Variants in ENOSF1 observed in about 807,000 individuals in gnomAD.
ENOSF1 encodes enolase superfamily member 1.
ENOSF1 carries 73 observed loss-of-function variants against 68.2 expected under a neutral mutation model. The observed-to-expected ratio is 1.07, with a 90% confidence interval of 0.89 to 1.30. The LOEUF (loss-of-function observed/expected upper bound fraction) is 1.30. Ranked by LOEUF, ENOSF1 falls within the 50% of genes most tolerant of loss-of-function variation. The probability of loss-of-function intolerance (pLI) is 0.00; values close to 1 mark genes in which losing one functional copy is unlikely to be tolerated. For synonymous variants in ENOSF1, 223 were observed against 210.4 expected (o/e 1.06, Z -0.52); for missense variants, 589 against 554.5 (o/e 1.06, Z -0.62).
downstream of ENOSF1, among the ~76,000 whole-genome samples, chr18:665,429 C>T (rs990629542): frequency 2.8e-4 from 43 of 151,034 alleles, no homozygotes; most frequent in African/African-American, 7.8e-4. Flanking sequence ...GTCTTGCTAG[C>T]GGTCTATAAA....
At chr18:683,192 T>C (rs2076256330) in intron 11 of ENOSF1, 54 bp downstream of exon 11, 7 of 1,607,564 alleles carry the variant, frequency 4.4e-6, no homozygotes, top group East Asian at 2.2e-5. Context: ...CCCAGCACTC[T>C]GGAAAACTAA....
intron 2 of ENOSF1, among the ~76,000 whole-genome samples, chr18:697,745 C>G (rs2077898233): frequency 6.6e-6 from 1 of 152,204 alleles, no homozygotes; most frequent in Non-Finnish European, 1.5e-5. Flanking sequence ...GAGTGAGACT[C>G]TATCTCAAAG....
chr18:680,662 C>G (rs1329338142), intron 11 of ENOSF1, among the ~76,000 whole-genome samples: 1 of 148,148 alleles, frequency 6.8e-6, no homozygotes, highest in Non-Finnish European at 1.5e-5. Flanking sequence ...CTTCAGCTGT[C>G]ACTATGCTGT....
chr18:709,440 T>C lies in ENOSF1; in HGVS notation c.85-2862A>G, dbSNP rs1374523422. On this transcript the variant is annotated intron_variant, in intron 1 of 15. Coordinates refer to ENST00000647584, the MANE Select transcript of ENOSF1 (RefSeq NM_017512.7). Reference sequence around the variant, plus strand: ...GCTGAAGGAGAAATAACAAGGGCAATTCACAGAGAAGAAAGGAACAGAAGT... The same window carrying C: ...GCTGAAGGAGAAATAACAAGGGCAACTCACAGAGAAGAAAGGAACAGAAGT... Among the ~76,000 whole-genome samples the C allele has an allele frequency of 3.3e-5, 5 of 151,904 alleles. No individual in the cohort carries two copies. In the East Asian group the frequency reaches 9.7e-4, roughly 29 times the overall value.
At chr18:691,311 C>CT (rs768366431) in intron 5 of ENOSF1, 35 bp from the exon 6 acceptor site, 2 of 1,543,782 alleles carry the variant, frequency 1.3e-6, no homozygotes, top group South Asian at 2.3e-5. Flanking sequence ...AGGCCTGAAT[C>CT]AATTATAAGG....
the ENOSF1 span, among the ~76,000 whole-genome samples, chr18:664,827 T>C: frequency 6.9e-6 from 1 of 145,344 alleles, no homozygotes; most frequent in African/African-American, 2.7e-5. Context: ...CATTTATTGA[T>C]TTGTGTATAT....
chr18:669,365 G>GTTTTT, downstream of ENOSF1: 8 of 340,422 alleles, frequency 2.4e-5, no homozygotes, highest in African/African-American at 3.2e-5. Context: ...GGGCCCAGAG[G>GTTTTT]ATTTTTTTTT....
At position 677,333 on chromosome 18, in the gene ENOSF1, C is replaced by T. The variant is rs1205817901; in HGVS notation, c.1148+12G>A. 1.9e-6 allele frequency: 3 copies of T among 1,606,412 alleles called. No homozygotes were observed. Among genetic ancestry groups the T allele is most frequent in the Non-Finnish European group, 2.6e-6 (3 of 1,173,620 alleles). On this transcript the variant is annotated intron_variant, in intron 14 of 15. Transcript: ENST00000647584. ...CTACTGAAACAGAAAGTATTAATGC[C>T]ACATTACTGACCTATTTTCAAGGCT...
chr18:666,921 A>AGATGGT (rs1269844514), downstream of ENOSF1, among the ~76,000 whole-genome samples: 10 of 33,480 alleles, frequency 3.0e-4, 2 homozygotes, highest in African/African-American at 8.0e-4. Context: ...ATGGTGATGG[A>AGATGGT]GATGGTGATG....
At chr18:711,289 A>T (rs2145575942) in intron 1 of ENOSF1, among the ~76,000 whole-genome samples, 1 of 152,342 alleles carries the variant, frequency 6.6e-6, no homozygotes, top group East Asian at 1.9e-4. Flanking sequence ...TTAACGAGAG[A>T]TCTATTTTTA....
At position 683,322 on chromosome 18, in the gene ENOSF1, A is replaced by G; in HGVS notation, c.800T>C (p.Leu267Pro). ...VPEAVEWMSKLAKFKPLWIEE... is the reference protein window; with the variant it reads ...VPEAVEWMSKPAKFKPLWIEE... ...AATCCACAATGGCTTGAACTTGGCC[A>G]GCTTGGACATCCACTCCACCGCCTC... The change falls in exon 11 of 16, where the codon CTG (leucine) becomes CCG (proline). Residue 267 changes from leucine (L) to proline (P), a missense_variant. Physicochemically the swap from Leu to Pro is moderately conservative, Grantham distance 98. Coordinates refer to ENST00000647584, the MANE Select transcript of ENOSF1 (RefSeq NM_017512.7). 6.2e-7 allele frequency: 1 copy of G among 1,614,164 alleles called. No individual in the cohort carries two copies. The highest frequency in any genetic ancestry group is 8.5e-7 in the Non-Finnish European group (1 of 1,180,042).
At chr18:669,028 T>C, downstream of ENOSF1, 4 of 1,510,608 alleles carry the variant, frequency 2.6e-6, no homozygotes, top group Non-Finnish European at 3.7e-6. Flanking sequence ...ATGACATGTG[T>C]GATTAATGTA....
chr18:686,190 A>C, intron 9 of ENOSF1, 182 bp from the exon 10 acceptor site: 1 of 593,506 alleles, frequency 1.7e-6, no homozygotes, highest in Non-Finnish European at 3.0e-6. Context: ...TTATCTCTTC[A>C]TTCAGTATCA....
At chr18:688,780 T>G (rs1287386325) in intron 8 of ENOSF1, among the ~76,000 whole-genome samples, 172 bp from the exon 9 acceptor site, 1 of 152,224 alleles carries the variant, frequency 6.6e-6, no homozygotes, top group Non-Finnish European at 1.5e-5. Flanking sequence ...GAGATCACTT[T>G]TTACTTGTAG....
intron 11 of ENOSF1, chr18:683,020 T>C: frequency 2.0e-6 from 1 of 503,462 alleles, no homozygotes; most frequent in Non-Finnish European, 3.4e-6. Context: ...TTTTAGCAGC[T>C]TACTTTATCT....
chr18:689,425 T>C (rs1237141883), intron 8 of ENOSF1, among the ~76,000 whole-genome samples: 1 of 152,034 alleles, frequency 6.6e-6, no homozygotes, highest in Non-Finnish European at 1.5e-5. Flanking sequence ...GGACTACAGA[T>C]ACGCATTACC....
intron 9 of ENOSF1, 23 bp from the exon 10 acceptor site, chr18:686,031 T>C: frequency 1.9e-6 from 3 of 1,585,094 alleles, no homozygotes; most frequent in Non-Finnish European, 1.7e-6. Context: ...TTTGGTTTGC[T>C]AGTTTAGACC....
chr18:690,229 C>G (rs924239930), intron 8 of ENOSF1, among the ~76,000 whole-genome samples: 1 of 152,178 alleles, frequency 6.6e-6, no homozygotes, highest in Non-Finnish European at 1.5e-5. Flanking sequence ...AACCTCTAAT[C>G]TGAGGCAAAG....
chr18:697,857 T>C (rs9748326), intron 2 of ENOSF1, among the ~76,000 whole-genome samples: 55,258 of 152,040 alleles, frequency 0.36, 10,273 homozygotes, highest in East Asian at 0.59. Flanking sequence ...GCAGTGGCAC[T>C]ATCACGGCTC....
Sources: gnomAD v4.1 joint callset for allele counts (sites outside exome capture counted in the v4.1 genomes callset) on GRCh38, gnomAD v4.1.1 for gene constraint, MANE v1.5 for transcripts, NCBI Gene and HGNC (gene_info 2026-07-23, HGNC 2026-07-21) for gene names.